The following OSBPL10 variants were observed in gnomAD, a reference collection of about 807,000 sequenced individuals.
The protein encoded by OSBPL10 is oxysterol-binding protein-related protein 10.
Under a neutral mutation model 81.7 loss-of-function variants are expected in OSBPL10, and 49 were observed. The ratio of observed to expected loss-of-function variants is 0.60; its 90% confidence interval spans 0.48 to 0.76. The LOEUF is 0.76. Among genes scored for constraint, OSBPL10 ranks in the 30% least tolerant of loss-of-function variants. The pLI is 0.00. For missense variants in OSBPL10, 923 were observed against 987.8 expected (o/e 0.93, Z 0.88); for synonymous variants, 419 against 383.6 (o/e 1.09, Z -1.08).
chr3:31,911,111 G>A (rs1278708057), intron 1 of OSBPL10, among the ~76,000 whole-genome samples: 1 of 152,106 alleles, frequency 6.6e-6, no homozygotes, highest in African/African-American at 2.4e-5. Context: ...TGTTTGAGGG[G>A]GAACTTAAAG....
At chr3:31,818,431 C>G (rs114908985) in intron 4 of OSBPL10, among the ~76,000 whole-genome samples, 3,871 of 152,266 alleles carry the variant, frequency 0.025, 155 homozygotes, top group African/African-American at 0.088. Flanking sequence ...ACTTCTCTCT[C>G]TGTGTGCACG....
chr3:31,874,660 G>A lies in OSBPL10; in HGVS notation c.537+1773C>T, dbSNP rs114498854. On this transcript the variant is annotated intron_variant, in intron 3 of 11. Coordinates refer to ENST00000396556, the MANE Select transcript of OSBPL10 (RefSeq NM_017784.5). ...TTAGACATGAAAATAAAAATAATGA[G>A]GTATCCAATTTTGATCTGTGAGAAT... Among the ~76,000 whole-genome samples the A allele has an allele frequency of 5.2e-3, 794 of 152,176 alleles. 9 individuals are homozygous for A. Among genetic ancestry groups the A allele is most frequent in the African/African-American group, 0.018 (750 of 41,532 alleles).
At chr3:31,931,175 C>A (rs1423136555) in intron 1 of OSBPL10, among the ~76,000 whole-genome samples, 6 of 151,876 alleles carry the variant, frequency 4.0e-5, no homozygotes, top group African/African-American at 9.7e-5. Flanking sequence ...AAGGGGGAAA[C>A]AATTCATGGC....
intron 1 of OSBPL10, among the ~76,000 whole-genome samples, chr3:32,049,186 A>G (rs1699650199): frequency 6.6e-6 from 1 of 152,230 alleles, no homozygotes; most frequent in Admixed American, 6.5e-5. Context: ...CCTATGGAGC[A>G]GCCATTACTT....
chr3:31,814,043 T>A (rs778416715), intron 4 of OSBPL10, among the ~76,000 whole-genome samples: 1 of 152,028 alleles, frequency 6.6e-6, no homozygotes, highest in African/African-American at 2.4e-5. Flanking sequence ...CACCAACCTA[T>A]CCTTACAGCC....
chr3:31,856,016 AAT>A (rs1001928586), intron 3 of OSBPL10, among the ~76,000 whole-genome samples: 3 of 150,656 alleles, frequency 2.0e-5, no homozygotes, highest in South Asian at 2.1e-4. Context: ...TTTTCCTAAA[AAT>A]ATATATATTT....
intron 2 of OSBPL10, among the ~76,000 whole-genome samples, chr3:31,994,677 C>G (rs1409817714): frequency 1.3e-5 from 2 of 152,152 alleles, no homozygotes; most frequent in African/African-American, 4.8e-5. Context: ...GACACCAAAT[C>G]AGAAAATTCT....
chr3:31,973,126 C>T (rs973447859), intron 1 of OSBPL10, among the ~76,000 whole-genome samples: 2 of 152,192 alleles, frequency 1.3e-5, no homozygotes, highest in East Asian at 3.8e-4. Context: ...AAGCCTCCCA[C>T]GTTTCCGGCA....
In OSBPL10 at chr3:31,999,359, C is replaced by CTTT. The variant is rs5847729; in HGVS notation, n.298+47129_298+47131dup. 1.2e-3 allele frequency among the ~76,000 whole-genome samples: 145 copies of CTTT among 125,832 alleles called. 5 individuals are homozygous for CTTT. The highest frequency in any genetic ancestry group is 3.6e-3 in the African/African-American group (116 of 31,960). The allele number at this position is 125,832 out of a possible 152,430, so 82.6% of individuals were successfully genotyped here. ...ACTTTTCAGATAAAAATATCAAAAT[C>CTTT]TTTTTTTTTTTTTTTTTTTGAGACA... On this transcript the variant is annotated intron_variant and non_coding_transcript_variant, in intron 2 of 3. Transcript: ENST00000479173.
chr3:31,726,544 G>A (rs1205713642), intron 6 of OSBPL10, among the ~76,000 whole-genome samples: 6 of 151,980 alleles, frequency 3.9e-5, no homozygotes, highest in South Asian at 2.1e-4. Context: ...TCGATCTCCC[G>A]ACCTCATGAT....
intron 1 of OSBPL10, among the ~76,000 whole-genome samples, chr3:31,952,705 TC>T (rs368751598): frequency 4.6e-5 from 7 of 152,256 alleles, no homozygotes; most frequent in African/African-American, 1.4e-4. Context: ...TGTTAGAATG[TC>T]CCCCCAACAT....
At position 31,946,639 on chromosome 3, in the gene OSBPL10, G is replaced by A. The variant is rs79925168; in HGVS notation, c.281+34260C>T. Among the ~76,000 whole-genome samples the A allele has an allele frequency of 1.8e-3, 273 of 152,316 alleles. 3 individuals are homozygous for A. The highest frequency in any genetic ancestry group is 6.1e-3 in the African/African-American group (254 of 41,584). ...GCGAAAAGCACAAGAGCCCTCAGGA[G>A]GTGACAGGAAGCCTTTATCAAAGGA... On this transcript the variant is annotated intron_variant, in intron 1 of 11. Transcript: ENST00000396556.
At chr3:32,077,000 C>A (rs1699881948) in intron 1 of OSBPL10, among the ~76,000 whole-genome samples, 1 of 152,016 alleles carries the variant, frequency 6.6e-6, no homozygotes, top group South Asian at 2.1e-4. Context: ...TCTTGTAGCC[C>A]CCAGCTGTAT....
chr3:31,837,002 A>C (rs542664490), intron 3 of OSBPL10, among the ~76,000 whole-genome samples: 26 of 152,164 alleles, frequency 1.7e-4, no homozygotes, highest in Non-Finnish European at 3.4e-4. Context: ...AGCTCCCAAA[A>C]GGTAAATGAA....
chr3:32,058,263 A>G (rs1224582389), intron 1 of OSBPL10, among the ~76,000 whole-genome samples: 1 of 152,222 alleles, frequency 6.6e-6, no homozygotes, highest in Non-Finnish European at 1.5e-5. Context: ...CTTTAGCAAA[A>G]TGTTATCAAT....
intron 4 of OSBPL10, among the ~76,000 whole-genome samples, chr3:31,803,548 C>A (rs565742914): frequency 3.3e-5 from 5 of 152,146 alleles, no homozygotes; most frequent in African/African-American, 4.8e-5. Flanking sequence ...TTTTGTATAC[C>A]CTTTGCGCAA....
At chr3:31,720,570 G>T (rs1166111214) in intron 6 of OSBPL10, among the ~76,000 whole-genome samples, 1 of 152,102 alleles carries the variant, frequency 6.6e-6, no homozygotes, top group Non-Finnish European at 1.5e-5. Context: ...TTCTGTGAAT[G>T]CCAGCCAACT....
chr3:31,890,609 T>C (rs544075214), intron 1 of OSBPL10, among the ~76,000 whole-genome samples: 63 of 152,210 alleles, frequency 4.1e-4, no homozygotes, highest in Non-Finnish European at 8.7e-4. Flanking sequence ...ACTCAAGATT[T>C]GATGCACTGA....
chr3:32,021,381 G>C (rs1177042567), intron 2 of OSBPL10, among the ~76,000 whole-genome samples: 5 of 152,164 alleles, frequency 3.3e-5, no homozygotes, highest in Non-Finnish European at 7.3e-5. Context: ...CCTAGAACTG[G>C]AATTACTGGG....
Sources: gnomAD v4.1 joint callset for allele counts (sites outside exome capture counted in the v4.1 genomes callset) on GRCh38, gnomAD v4.1.1 for gene constraint, MANE v1.5 for transcripts, NCBI Gene and HGNC (gene_info 2026-07-23, HGNC 2026-07-21) for gene names.